The following LINGO2 variants were observed in gnomAD, a reference collection of about 807,000 sequenced individuals.
The protein encoded by LINGO2 is leucine rich repeat and Ig domain containing 2.
A neutral mutation model predicts 30.6 loss-of-function variants in LINGO2; 14 were observed. The observed-to-expected ratio is 0.46, with a 90% CI of 0.30 to 0.72. The LOEUF (loss-of-function observed/expected upper bound fraction) is 0.72, where lower values mean the gene tolerates loss of function less well. Among genes scored for constraint, LINGO2 ranks in the 30% least tolerant of loss-of-function variants. LINGO2 has a pLI of 0.07. For synonymous variants in LINGO2, 317 were observed against 288.5 expected (o/e 1.10, Z -1.00); for missense variants, 729 against 751.7 (o/e 0.97, Z 0.35).
At chr9:29,037,998 C>A in the LINGO2 span, among the ~76,000 whole-genome samples, 5 of 152,074 alleles carry the variant, frequency 3.3e-5, no homozygotes, top group East Asian at 9.7e-4. Context: ...GTATAGTTTA[C>A]CCTTATATGA....
the LINGO2 span, among the ~76,000 whole-genome samples, chr9:28,857,098 T>C: frequency 6.6e-6 from 1 of 152,032 alleles, no homozygotes; most frequent in Non-Finnish European, 1.5e-5. Context: ...TGAGATACGT[T>C]TGAGCAGTCT....
intron 3 of LINGO2, among the ~76,000 whole-genome samples, chr9:28,362,580 C>G (rs1820494658): frequency 6.6e-6 from 1 of 152,028 alleles, no homozygotes; most frequent in South Asian, 2.1e-4. Context: ...AAGCGATTCT[C>G]CAGCTTCATC....
the LINGO2 span, among the ~76,000 whole-genome samples, chr9:28,766,793 AGAGAGAGAGAGGGAAG>A: frequency 7.6e-6 from 1 of 130,946 alleles, no homozygotes; most frequent in Non-Finnish European, 1.5e-5. Context: ...AGAGAGGGAG[AGAGAGAGAGAGGGAAG>A]GAGAGAGAGA....
intron 2 of LINGO2, among the ~76,000 whole-genome samples, chr9:28,468,567 A>G (rs1825401019): frequency 6.6e-6 from 1 of 152,174 alleles, no homozygotes; most frequent in Non-Finnish European, 1.5e-5. Flanking sequence ...ACTCCTTGAA[A>G]CATAACAGGG....
At chr9:29,098,273 A>C in the LINGO2 span, among the ~76,000 whole-genome samples, 1 of 152,206 alleles carries the variant, frequency 6.6e-6, no homozygotes, top group Non-Finnish European at 1.5e-5. Context: ...CTGGAGTCTC[A>C]TCCGTGTAAC....
At chr9:28,053,785 C>A (rs536568242) in intron 4 of LINGO2, among the ~76,000 whole-genome samples, 3 of 152,068 alleles carry the variant, frequency 2.0e-5, no homozygotes. Context: ...AGGAAAGAAC[C>A]CAATGTATTT....
chr9:28,497,597 G>C (rs1183252434), intron 1 of LINGO2, among the ~76,000 whole-genome samples: 1 of 152,162 alleles, frequency 6.6e-6, no homozygotes, highest in Middle Eastern at 3.4e-3. Flanking sequence ...CTTTGTGATG[G>C]GTTCGAACTT....
intron 5 of LINGO2, among the ~76,000 whole-genome samples, chr9:27,968,019 C>T (rs1455423297): frequency 6.6e-6 from 1 of 152,110 alleles, no homozygotes; most frequent in Non-Finnish European, 1.5e-5. Flanking sequence ...TGGTTGCCAA[C>T]TTACTGCTTG....
chr9:29,099,846 G>C, the LINGO2 span, among the ~76,000 whole-genome samples: 3 of 142,524 alleles, frequency 2.1e-5, no homozygotes, highest in Non-Finnish European at 4.6e-5. Context: ...ACTAACAATA[G>C]GGTTACCATA....
intron 5 of LINGO2, among the ~76,000 whole-genome samples, chr9:27,988,177 T>A (rs759543704): frequency 5.9e-5 from 9 of 152,022 alleles, no homozygotes; most frequent in African/African-American, 1.9e-4. Context: ...ACAAAGGACA[T>A]GAACTCATTT....
At chr9:28,026,692 G>C (rs1022038030) in intron 4 of LINGO2, among the ~76,000 whole-genome samples, 1 of 151,900 alleles carries the variant, frequency 6.6e-6, no homozygotes, top group Non-Finnish European at 1.5e-5. Flanking sequence ...ATTTTTTTGA[G>C]GTATCCCCTC....
chr9:27,986,372 A>G (rs1821124386), intron 5 of LINGO2, among the ~76,000 whole-genome samples: 1 of 151,884 alleles, frequency 6.6e-6, no homozygotes, highest in Non-Finnish European at 1.5e-5. Flanking sequence ...TTTTGAAATT[A>G]GCACCTGTGA....
chr9:27,979,761 G>A (rs1820767948), intron 5 of LINGO2, among the ~76,000 whole-genome samples: 1 of 151,836 alleles, frequency 6.6e-6, no homozygotes, highest in South Asian at 2.1e-4. Flanking sequence ...AATGATAAAA[G>A]GAAAGACTTC....
At chr9:28,439,646 G>A (rs545340079) in intron 2 of LINGO2, among the ~76,000 whole-genome samples, 9 of 152,180 alleles carry the variant, frequency 5.9e-5, no homozygotes, top group African/African-American at 2.2e-4. Context: ...CATATAGGAC[G>A]TGCTGGCTTC....
chr9:28,155,482 C>G (rs1828107745), intron 4 of LINGO2, among the ~76,000 whole-genome samples: 1 of 152,194 alleles, frequency 6.6e-6, no homozygotes, highest in Admixed American at 6.5e-5. Flanking sequence ...TTTTAAAACA[C>G]AAAACTGATC....
chr9:28,833,484 AT>A, the LINGO2 span, among the ~76,000 whole-genome samples: 1 of 152,308 alleles, frequency 6.6e-6, no homozygotes, highest in South Asian at 2.1e-4. Flanking sequence ...ATTTAATGAT[AT>A]GTAATGGAAC....
intron 3 of LINGO2, among the ~76,000 whole-genome samples, chr9:28,350,555 A>G (rs1819825705): frequency 6.9e-6 from 1 of 145,196 alleles, no homozygotes; most frequent in Non-Finnish European, 1.5e-5. Flanking sequence ...ATAATGGGAG[A>G]CTTTAACACC....
the LINGO2 span, among the ~76,000 whole-genome samples, chr9:28,921,019 G>A: frequency 3.3e-5 from 5 of 152,246 alleles, no homozygotes; most frequent in African/African-American, 1.2e-4. Context: ...TGAAAAACAT[G>A]TAAGCAATGA....
intron 4 of LINGO2, among the ~76,000 whole-genome samples, chr9:28,190,322 C>T (rs1050163345): frequency 6.6e-6 from 1 of 152,060 alleles, no homozygotes; most frequent in Non-Finnish European, 1.5e-5. Flanking sequence ...ATTTTACTAC[C>T]TCTCCAGTAT....
Sources: gnomAD v4.1 joint callset for allele counts (sites outside exome capture counted in the v4.1 genomes callset) on GRCh38, gnomAD v4.1.1 for gene constraint, MANE v1.5 for transcripts, NCBI Gene and HGNC (gene_info 2026-07-23, HGNC 2026-07-21) for gene names.